Variants in ARHGAP26 observed in about 807,000 individuals in gnomAD.
The protein encoded by ARHGAP26 is rho GTPase-activating protein 26.
In ARHGAP26, 38 loss-of-function variants were observed where a neutral mutation model predicts 104.8. The ratio of observed to expected loss-of-function variants is 0.36; its 90% CI spans 0.28 to 0.48. ARHGAP26 has a LOEUF of 0.48. Among genes scored for constraint, ARHGAP26 ranks in the 20% least tolerant of loss-of-function variants. The probability of loss-of-function intolerance (pLI) is 0.99; values close to 1 mark genes in which losing one functional copy is unlikely to be tolerated. For synonymous variants in ARHGAP26, 341 were observed against 340.0 expected (o/e 1.00, Z -0.03); for missense variants, 704 against 947.9 (o/e 0.74, Z 3.38).
intron 1 of ARHGAP26, among the ~76,000 whole-genome samples, chr5:142,808,627 C>T (rs180682771): frequency 5.7e-4 from 87 of 152,192 alleles, no homozygotes; most frequent in Admixed American, 1.4e-3. Flanking sequence ...TCCTTGTTAT[C>T]ACTTTGTGGA....
intron 12 of ARHGAP26, among the ~76,000 whole-genome samples, chr5:143,032,130 G>C (rs898225169): frequency 1.3e-5 from 2 of 152,210 alleles, no homozygotes; most frequent in African/African-American, 4.8e-5. Context: ...AAAGCAACAA[G>C]GCTTCAAAAG....
At chr5:143,042,094 A>T (rs1454175487) in intron 14 of ARHGAP26, among the ~76,000 whole-genome samples, 1 of 152,196 alleles carries the variant, frequency 6.6e-6, no homozygotes. Flanking sequence ...TGGACAAAAT[A>T]AAAAATGCCA....
intron 13 of ARHGAP26, 173 bp from the exon 14 acceptor site, chr5:143,041,643 A>G (rs535600312): frequency 6.6e-6 from 4 of 601,632 alleles, no homozygotes; most frequent in Non-Finnish European, 1.2e-5. Flanking sequence ...AGCTGTACCA[A>G]ATCCCACTCG....
intron 19 of ARHGAP26, among the ~76,000 whole-genome samples, chr5:143,135,913 C>T (rs1468566937): frequency 6.6e-6 from 1 of 152,180 alleles, no homozygotes; most frequent in Non-Finnish European, 1.5e-5. Flanking sequence ...GGCCTGGGCC[C>T]CTGCGAGTGT....
At chr5:143,014,733 A>G (rs1486629538) in intron 12 of ARHGAP26, among the ~76,000 whole-genome samples, 2 of 152,094 alleles carry the variant, frequency 1.3e-5, no homozygotes, top group Admixed American at 6.5e-5. Flanking sequence ...GGTACCTGTA[A>G]CCTTGTAAAG....
At chr5:143,114,427 C>G (rs181282048) in intron 17 of ARHGAP26, among the ~76,000 whole-genome samples, 13 of 152,264 alleles carry the variant, frequency 8.5e-5, no homozygotes, top group Admixed American at 8.5e-4. Flanking sequence ...TGAGGATTCC[C>G]CCCGCCATCC....
At chr5:143,048,682 G>A (rs891601092) in intron 14 of ARHGAP26, among the ~76,000 whole-genome samples, 4 of 151,884 alleles carry the variant, frequency 2.6e-5, no homozygotes, top group Admixed American at 6.5e-5. Flanking sequence ...TTGGGAGGCC[G>A]AGGAGGGCGG....
chr5:143,212,385 T>C (rs1320169496), intron 21 of ARHGAP26, among the ~76,000 whole-genome samples: 2 of 151,498 alleles, frequency 1.3e-5, no homozygotes, highest in Admixed American at 1.3e-4. Flanking sequence ...CCTCTTATAT[T>C]CCTCCCTGGA....
At chr5:142,779,123 C>T (rs1247676552) in intron 1 of ARHGAP26, among the ~76,000 whole-genome samples, 1 of 152,140 alleles carries the variant, frequency 6.6e-6, no homozygotes, top group African/African-American at 2.4e-5. Context: ...TTCTAACCTC[C>T]AGGCTCAGGG....
chr5:142,777,332 A>T (rs1211783325), intron 1 of ARHGAP26, among the ~76,000 whole-genome samples: 1 of 152,196 alleles, frequency 6.6e-6, no homozygotes, highest in Non-Finnish European at 1.5e-5. Flanking sequence ...CACAGGCTGG[A>T]CTTCCTAATT....
chr5:142,873,070 T>C (rs1755556718), intron 1 of ARHGAP26, among the ~76,000 whole-genome samples: 1 of 152,240 alleles, frequency 6.6e-6, no homozygotes, highest in Non-Finnish European at 1.5e-5. Flanking sequence ...GACACTAATG[T>C]TGGCTCTGAT....
At chr5:142,917,651 G>A (rs1265426318) in intron 10 of ARHGAP26, among the ~76,000 whole-genome samples, 1 of 152,178 alleles carries the variant, frequency 6.6e-6, no homozygotes, top group Non-Finnish European at 1.5e-5. Flanking sequence ...CTGAATAGGT[G>A]TTCCATGAAT....
intron 17 of ARHGAP26, among the ~76,000 whole-genome samples, chr5:143,094,556 A>T (rs1039018542): frequency 1.3e-5 from 2 of 152,228 alleles, no homozygotes; most frequent in African/African-American, 2.4e-5. Context: ...ACTTGAATAT[A>T]AAATTTTCTT....
intron 10 of ARHGAP26, among the ~76,000 whole-genome samples, chr5:142,926,692 G>T (rs924994716): frequency 6.6e-6 from 1 of 152,156 alleles, no homozygotes; most frequent in African/African-American, 2.4e-5. Context: ...GTAGAGGCAT[G>T]AATTTCAGTG....
chr5:142,971,087 T>C (rs1772197196), intron 11 of ARHGAP26, among the ~76,000 whole-genome samples: 1 of 152,206 alleles, frequency 6.6e-6, no homozygotes, highest in Non-Finnish European at 1.5e-5. Context: ...AGATACAAAT[T>C]TGAAAATAAT....
chr5:143,030,875 GA>G (rs1258974638), intron 12 of ARHGAP26, among the ~76,000 whole-genome samples: 1 of 152,260 alleles, frequency 6.6e-6, no homozygotes, highest in Non-Finnish European at 1.5e-5. Context: ...TTGCCCTCAT[GA>G]ATAAGTATTC....
chr5:142,992,949 T>C (rs1040389234), intron 11 of ARHGAP26, among the ~76,000 whole-genome samples: 5 of 152,164 alleles, frequency 3.3e-5, no homozygotes, highest in South Asian at 2.1e-4. Context: ...CTTTCCATAT[T>C]TGAAGAGCTT....
intron 19 of ARHGAP26, among the ~76,000 whole-genome samples, chr5:143,144,885 T>A (rs993060198): frequency 2.6e-5 from 4 of 152,258 alleles, no homozygotes; most frequent in South Asian, 2.1e-4. Context: ...GGCTTTGATC[T>A]TCTACCTAGA....
rs1000049717 is a variant in ARHGAP26, at chr5:143,063,409, C to G, written c.1538+5662C>G. Among the ~76,000 whole-genome samples the G allele has an allele frequency of 2.0e-5, 3 of 152,114 alleles. No homozygotes were observed. In the East Asian group the frequency reaches 5.8e-4, roughly 29 times the overall value. On this transcript the variant is annotated intron_variant, in intron 17 of 22. Transcript: ENST00000645722. The stretch of plus-strand genomic sequence containing the variant: ...TGCTTCCAGGGAACTTTGAAAACTG[C>G]AAATCTCAGCATGTGATTCCCCTGC...
Sources: allele counts gnomAD v4.1 joint callset (sites outside exome capture counted in the v4.1 genomes callset), GRCh38; gene constraint gnomAD v4.1.1; transcripts MANE v1.5; gene names NCBI Gene and HGNC (gene_info 2026-07-23, HGNC 2026-07-21).